CAMTA1: variants seen among roughly 807,000 people sequenced by gnomAD.
The protein encoded by CAMTA1 is calmodulin-binding transcription activator 1.
CAMTA1 carries 27 observed loss-of-function variants against 170.9 expected under a neutral mutation model. The ratio of observed to expected loss-of-function variants is 0.16; its 90% CI spans 0.12 to 0.22. The LOEUF (loss-of-function observed/expected upper bound fraction) is 0.22, where lower values mean the gene tolerates loss of function less well. CAMTA1 is among the 10% of genes least tolerant of loss of function. CAMTA1 has a pLI of 1.00. For synonymous variants in CAMTA1, 833 were observed against 891.5 expected (o/e 0.93, Z 1.17); for missense variants, 1,619 against 2,217.2 (o/e 0.73, Z 5.42).
intron 4 of CAMTA1, among the ~76,000 whole-genome samples, chr1:7,112,133 C>T (rs993681490): frequency 8.6e-5 from 13 of 151,926 alleles, no homozygotes; most frequent in African/African-American, 3.1e-4. Flanking sequence ...GTCGCCGGTG[C>T]ATTTGTCCAG....
intron 3 of CAMTA1, among the ~76,000 whole-genome samples, chr1:7,061,704 G>A (rs1296086003): frequency 8.5e-5 from 12 of 141,152 alleles, no homozygotes; most frequent in Middle Eastern, 3.5e-3. Flanking sequence ...GGGTGGTGGC[G>A]GCAGAGGAGG....
Position 7,762,264 on chromosome 1 carries a change from A to G in CAMTA1, c.4990-4195A>G, listed in dbSNP as rs879848107. On this transcript the variant is annotated intron_variant, in intron 22 of 22. Transcript: ENST00000303635. ...CAAGGAGAATCACCCAGAGATAATA[A>G]TGGTTAAACTTCTATTTTGTATCCT... Among the ~76,000 whole-genome samples the G allele has an allele frequency of 2.6e-5, 4 of 152,244 alleles. 1 individual carries two copies. Among genetic ancestry groups the G allele is most frequent in the Non-Finnish European group, 5.9e-5 (4 of 68,040 alleles).
At chr1:7,046,386 A>G (rs1040740813) in intron 3 of CAMTA1, among the ~76,000 whole-genome samples, 50 of 152,214 alleles carry the variant, frequency 3.3e-4, no homozygotes, top group Admixed American at 3.3e-3. Flanking sequence ...GAGAACTCCC[A>G]AAGGGTCTCC....
intron 6 of CAMTA1, among the ~76,000 whole-genome samples, chr1:7,591,929 G>A (rs761034137): frequency 6.6e-6 from 1 of 152,036 alleles, no homozygotes; most frequent in African/African-American, 2.4e-5. Context: ...ATGGAGTTTC[G>A]CTCTTGTCAC....
At chr1:7,294,397 A>C (rs1254013019) in intron 5 of CAMTA1, among the ~76,000 whole-genome samples, 10 of 152,322 alleles carry the variant, frequency 6.6e-5, no homozygotes, top group Admixed American at 6.5e-4. Context: ...AAAGGACAGC[A>C]GCTCTCACTG....
chr1:7,330,494 G>A (rs754003297), intron 5 of CAMTA1, among the ~76,000 whole-genome samples: 1 of 152,150 alleles, frequency 6.6e-6, no homozygotes, highest in Non-Finnish European at 1.5e-5. Context: ...ACCCAAATGT[G>A]AGTTGAGGCC....
chr1:6,857,837 A>C (rs543711014), intron 3 of CAMTA1, among the ~76,000 whole-genome samples: 8 of 152,340 alleles, frequency 5.3e-5, no homozygotes, highest in African/African-American at 1.7e-4. Context: ...AAGAAAAAAA[A>C]AGCCTATTAA....
intron 11 of CAMTA1, among the ~76,000 whole-genome samples, chr1:7,713,045 AAC>A (rs1463943941): frequency 6.6e-6 from 1 of 152,228 alleles, no homozygotes; most frequent in African/African-American, 2.4e-5. Context: ...TTTGGGTGGA[AAC>A]ACAGCCAAAC....
chr1:7,058,152 A>C (rs1294040328), intron 3 of CAMTA1, among the ~76,000 whole-genome samples: 1 of 149,496 alleles, frequency 6.7e-6, no homozygotes, highest in Non-Finnish European at 1.5e-5. Context: ...GCTGCTCAGG[A>C]CCCTTTCCCC....
chr1:7,214,723 C>G (rs1467295741), intron 4 of CAMTA1, among the ~76,000 whole-genome samples: 2 of 152,084 alleles, frequency 1.3e-5, no homozygotes, highest in African/African-American at 2.4e-5. Flanking sequence ...ATATGTTGTG[C>G]TTTAGGTGTT....
rs952139464 is a variant in CAMTA1, at chr1:7,510,537, G to A, written c.510+42636G>A. 2.7e-5 allele frequency among the ~76,000 whole-genome samples: 4 copies of A among 146,710 alleles called. 1 individual carries two copies. Among genetic ancestry groups the A allele is most frequent in the African/African-American group, 4.9e-5 (2 of 41,046 alleles). ...CAGCTGTAGCTCGTACTATGACTGC[G>A]ATGGGCAGAGCCCAGTCTGCCACAG... On this transcript the variant is annotated intron_variant, in intron 6 of 22. Transcript: ENST00000303635.
intron 4 of CAMTA1, among the ~76,000 whole-genome samples, chr1:7,177,414 G>C (rs915566969): frequency 7.0e-6 from 1 of 142,838 alleles, no homozygotes; most frequent in African/African-American, 2.6e-5. Flanking sequence ...CACACACTGA[G>C]GCCCTTCTCA....
Position 6,909,508 on chromosome 1 carries a change from A to C in CAMTA1, c.234+84298A>C, listed in dbSNP as rs767681145. On this transcript the variant is annotated intron_variant, in intron 3 of 22. Coordinates refer to ENST00000303635, the MANE Select transcript of CAMTA1 (RefSeq NM_015215.4). ...TTGGGGCGGGGGGCCTCTACCCTGC[A>C]GTGGGCTCTACAGCAGACCCTTGGG... Among the ~76,000 whole-genome samples the C allele has an allele frequency of 6.9e-4, 105 of 152,330 alleles. No individual in the cohort carries two copies. In the Middle Eastern group the frequency reaches 0.017, roughly 25 times the overall value.
At chr1:7,199,614 G>C (rs1040047156) in intron 4 of CAMTA1, among the ~76,000 whole-genome samples, 3 of 152,098 alleles carry the variant, frequency 2.0e-5, no homozygotes, top group Non-Finnish European at 4.4e-5. Flanking sequence ...CCCAGCCCTT[G>C]GTCCTGTTCT....
In CAMTA1 at chr1:7,640,525, A is replaced by G. The variant is rs1189441864; in HGVS notation, c.636A>G (p.Glu212=). 1 of 1,614,240 alleles carries G rather than the reference A, an allele frequency of 6.2e-7. No individual in the cohort carries two copies. Among genetic ancestry groups the G allele is most frequent in the South Asian group, 1.1e-5 (1 of 91,090 alleles). ...AGGAGTGGGCGAAATGGACGAAAGAAGAGCTCATCGGGCAGCTGAAACCCA... is the reference window on the plus strand; with the variant it reads ...AGGAGTGGGCGAAATGGACGAAAGAGGAGCTCATCGGGCAGCTGAAACCCA... ...DKKEWAKWTK[E]ELIGQLKPMF... Residue 212 remains glutamate (E), a synonymous_variant, in exon 7 of 23, where the codon GAA becomes GAG. Transcript: ENST00000303635.
intron 6 of CAMTA1, among the ~76,000 whole-genome samples, chr1:7,566,726 C>T (rs1469035018): frequency 6.6e-6 from 1 of 152,222 alleles, no homozygotes; most frequent in Non-Finnish European, 1.5e-5. Flanking sequence ...CTCTCAGCCT[C>T]ATCCCTGCAC....
chr1:7,694,819 G>C (rs965062388), intron 11 of CAMTA1: 1 of 152,272 alleles, frequency 6.6e-6, no homozygotes, highest in Non-Finnish European at 1.5e-5. Context: ...CCTCAACACT[G>C]ATGGGAATGG....
intron 3 of CAMTA1, among the ~76,000 whole-genome samples, chr1:7,083,955 C>G (rs1241793122): frequency 6.6e-6 from 1 of 150,666 alleles, no homozygotes; most frequent in Non-Finnish European, 1.5e-5. Flanking sequence ...GCTAGGGGAG[C>G]CTTGGCTTTT....
At chr1:7,701,544 T>C (rs1429816919) in intron 11 of CAMTA1, among the ~76,000 whole-genome samples, 1 of 151,760 alleles carries the variant, frequency 6.6e-6, no homozygotes, top group Non-Finnish European at 1.5e-5. Context: ...GCCTCCCAAA[T>C]AGCTAGGACT....
Sources: gnomAD v4.1 joint callset for allele counts (sites outside exome capture counted in the v4.1 genomes callset) on GRCh38, gnomAD v4.1.1 for gene constraint, MANE v1.5 for transcripts, NCBI Gene and HGNC (gene_info 2026-07-23, HGNC 2026-07-21) for gene names.